The following PTPRD variants were observed in gnomAD, a reference collection of about 807,000 sequenced individuals.
The protein encoded by PTPRD is receptor-type tyrosine-protein phosphatase delta.
PTPRD carries 34 observed loss-of-function variants against 214.5 expected under a neutral mutation model. The observed-to-expected ratio is 0.16, with a 90% CI of 0.12 to 0.21. The LOEUF (loss-of-function observed/expected upper bound fraction) is 0.21, where lower values mean the gene tolerates loss of function less well. Ranked by LOEUF, PTPRD falls within the 10% of genes least tolerant of loss-of-function variation. PTPRD has a pLI of 1.00. For synonymous variants in PTPRD, 1,128 were observed against 845.7 expected (o/e 1.33, Z -5.79); for missense variants, 2,545 against 2,398.7 (o/e 1.06, Z -1.27).
chr9:9,374,508 T>C (rs963129068), intron 9 of PTPRD, among the ~76,000 whole-genome samples: 3 of 152,188 alleles, frequency 2.0e-5, no homozygotes, highest in African/African-American at 7.2e-5. Context: ...TTCCAGAAAG[T>C]AGTTTAATAG....
chr9:9,851,767 G>A lies in PTPRD; in HGVS notation c.-367-84916C>T, dbSNP rs188289887. Among the ~76,000 whole-genome samples, 266 of 152,242 alleles carry A rather than the reference G, an allele frequency of 1.7e-3. 2 individuals carry two copies. Among genetic ancestry groups the A allele is most frequent in the African/African-American group, 6.2e-3 (257 of 41,540 alleles). On this transcript the variant is annotated intron_variant, in intron 5 of 45. Coordinates refer to ENST00000381196, the MANE Select transcript of PTPRD (RefSeq NM_002839.4). ...TGCATTCCAACCTGGACAACACAGC[G>A]AGACCCTGTCTCAATTAAAAACAAC...
intron 9 of PTPRD, among the ~76,000 whole-genome samples, chr9:9,304,518 T>C (rs1956486703): frequency 2.0e-5 from 3 of 152,068 alleles, no homozygotes; most frequent in African/African-American, 7.2e-5. Flanking sequence ...GATGTGGAAC[T>C]TGGAGCATTT....
chr9:8,918,810 T>A (rs1224864843), intron 11 of PTPRD, among the ~76,000 whole-genome samples: 1 of 152,162 alleles, frequency 6.6e-6, no homozygotes, highest in Non-Finnish European at 1.5e-5. Context: ...TGGACCAAAC[T>A]TTCTCTAACA....
chr9:9,033,302 C>T (rs1048748995), intron 10 of PTPRD, among the ~76,000 whole-genome samples: 3 of 152,068 alleles, frequency 2.0e-5, no homozygotes, highest in African/African-American at 7.2e-5. Flanking sequence ...GATCCAAAGT[C>T]TCATAAAGAG....
intron 30 of PTPRD, among the ~76,000 whole-genome samples, chr9:8,475,236 A>G (rs1278466552): frequency 6.6e-6 from 1 of 152,000 alleles, no homozygotes; most frequent in Non-Finnish European, 1.5e-5. Context: ...TCAAAAGGGG[A>G]GTTTCTGGTA....
chr9:8,933,440 A>G (rs1331983714), intron 11 of PTPRD, among the ~76,000 whole-genome samples: 1 of 146,558 alleles, frequency 6.8e-6, no homozygotes, highest in Admixed American at 7.0e-5. Flanking sequence ...TTTTTTCTGA[A>G]TGATTTTAAA....
In PTPRD at chr9:8,936,427, C is replaced by CAAAAAAAAAAAAAAAA. The variant is rs1181403459; in HGVS notation, c.-104+82254_-104+82269dup. ...AGGCAACAGAGCAAGACCCTGCCTC[C>CAAAAAAAAAAAAAAAA]AAAAAAAAAAAAAAAAAAAAAAAGA... is the stretch of plus-strand genomic sequence containing the variant. On this transcript the variant is annotated intron_variant, in intron 11 of 45. Transcript: ENST00000381196. Among the ~76,000 whole-genome samples, 176 of 31,616 alleles carry CAAAAAAAAAAAAAAAA rather than the reference C, an allele frequency of 5.6e-3. 16 individuals are homozygous for CAAAAAAAAAAAAAAAA. The highest frequency in any genetic ancestry group is 6.7e-3 in the Non-Finnish European group (128 of 19,032). The allele number at this position is 31,616 out of a possible 152,430, so 20.7% of individuals were successfully genotyped here. A position where few individuals can be genotyped will look rare whatever the true frequency, so the allele number is the denominator to read the frequency against.
intron 9 of PTPRD, among the ~76,000 whole-genome samples, chr9:9,247,505 C>A (rs1048059730): frequency 6.6e-6 from 1 of 151,990 alleles, no homozygotes; most frequent in African/African-American, 2.4e-5. Flanking sequence ...GGCCTTGACC[C>A]TTATGAGGGA....
intron 10 of PTPRD, among the ~76,000 whole-genome samples, chr9:9,142,001 C>T (rs1052931331): frequency 6.6e-6 from 1 of 152,170 alleles, no homozygotes; most frequent in Non-Finnish European, 1.5e-5. Context: ...ACATATTCAT[C>T]CTTATAGCGA....
chr9:10,488,906 G>T (rs911482735), intron 2 of PTPRD, among the ~76,000 whole-genome samples: 1 of 152,122 alleles, frequency 6.6e-6, no homozygotes, highest in South Asian at 2.1e-4. Context: ...CAATAGCCAA[G>T]TCCTAGAATC....
chr9:9,227,374 C>T (rs575737093), intron 9 of PTPRD, among the ~76,000 whole-genome samples: 1 of 152,218 alleles, frequency 6.6e-6, no homozygotes, highest in South Asian at 2.1e-4. Context: ...ACAACCTCAG[C>T]CCCTAGCCTG....
chr9:8,762,127 TTCTG>T (rs748173549), intron 11 of PTPRD, among the ~76,000 whole-genome samples: 2 of 152,176 alleles, frequency 1.3e-5, no homozygotes, highest in Non-Finnish European at 2.9e-5. Context: ...TATACAAAGG[TTCTG>T]TCTTTCTAGG....
chr9:10,351,895 G>C (rs1054930210), intron 2 of PTPRD, among the ~76,000 whole-genome samples: 1 of 152,012 alleles, frequency 6.6e-6, no homozygotes, highest in African/African-American at 2.4e-5. Flanking sequence ...GATGGGCATA[G>C]ATGTGTTAGC....
At chr9:8,445,659 T>G (rs1342299743) in intron 34 of PTPRD, among the ~76,000 whole-genome samples, 1 of 152,190 alleles carries the variant, frequency 6.6e-6, no homozygotes, top group Non-Finnish European at 1.5e-5. Flanking sequence ...CTGAATCTAG[T>G]CCTATTCCTA....
intron 5 of PTPRD, among the ~76,000 whole-genome samples, chr9:9,858,209 T>C (rs1322131747): frequency 1.3e-5 from 2 of 152,256 alleles, no homozygotes; most frequent in African/African-American, 2.4e-5. Context: ...TATTTCATGA[T>C]GCTCTGGAAG....
intron 2 of PTPRD, among the ~76,000 whole-genome samples, chr9:10,446,417 CTTTTTTTTTT>C: frequency 2.2e-5 from 2 of 92,960 alleles, no homozygotes; most frequent in Middle Eastern, 0.011. Context: ...CTATTTTTTT[CTTTTTTTTTT>C]TTTTTTTTTT....
At chr9:10,194,179 G>A (rs1006956641) in intron 3 of PTPRD, among the ~76,000 whole-genome samples, 2 of 151,856 alleles carry the variant, frequency 1.3e-5, no homozygotes, top group Non-Finnish European at 2.9e-5. Context: ...TTCCCATCGT[G>A]CTTCTCACTT....
At chr9:10,028,217 C>T (rs999260282) in intron 4 of PTPRD, among the ~76,000 whole-genome samples, 4 of 152,170 alleles carry the variant, frequency 2.6e-5, no homozygotes, top group African/African-American at 9.7e-5. Context: ...TGCGTTTCAC[C>T]TTCTGCCATG....
rs1481819757 is a variant in PTPRD at position 9,482,785 on chromosome 9, T to C, written c.-236-85303A>G. Among the ~76,000 whole-genome samples the C allele has an allele frequency of 5.3e-5, 8 of 152,326 alleles. No individual in the cohort carries two copies. In the East Asian group the frequency reaches 1.5e-3, roughly 29 times the overall value. On this transcript the variant is annotated intron_variant, in intron 8 of 45. Coordinates refer to ENST00000381196, the MANE Select transcript of PTPRD (RefSeq NM_002839.4). ...GCTATGAAGAGACAATTAAGGCTCC[T>C]CCTTAGGGCAGCATTTTGTTTTGTT...
Sources: gnomAD v4.1 joint callset for allele counts (sites outside exome capture counted in the v4.1 genomes callset) on GRCh38, gnomAD v4.1.1 for gene constraint, MANE v1.5 for transcripts, NCBI Gene and HGNC (gene_info 2026-07-23, HGNC 2026-07-21) for gene names.